The following TMEM87B variants were observed in gnomAD, a reference collection of about 807,000 sequenced individuals.
TMEM87B encodes the protein transmembrane protein 87B.
A neutral mutation model predicts 80.3 loss-of-function variants in TMEM87B; 83 were observed. The ratio of observed to expected loss-of-function variants is 1.03; its 90% CI spans 0.87 to 1.24. The LOEUF (loss-of-function observed/expected upper bound fraction) is 1.24. Ranked by LOEUF, TMEM87B falls within the 50% of genes most tolerant of loss-of-function variation. The pLI is 0.00. For missense variants in TMEM87B, 625 were observed against 674.4 expected (o/e 0.93, Z 0.81); for synonymous variants, 219 against 230.5 (o/e 0.95, Z 0.45).
At chr2:112,078,738 G>A (rs1678896947) in intron 6 of TMEM87B, among the ~76,000 whole-genome samples, 1 of 152,172 alleles carries the variant, frequency 6.6e-6, no homozygotes, top group African/African-American at 2.4e-5. Flanking sequence ...GTTTTGCACT[G>A]TACTCGGCAC....
chr2:112,077,874 A>G (rs1427679657), intron 6 of TMEM87B, among the ~76,000 whole-genome samples: 1 of 152,128 alleles, frequency 6.6e-6, no homozygotes, highest in African/African-American at 2.4e-5. Flanking sequence ...GCTTTCCCAT[A>G]TTCTAGAATC....
intron 9 of TMEM87B, among the ~76,000 whole-genome samples, chr2:112,087,500 C>A (rs1276534015): frequency 6.6e-6 from 1 of 152,026 alleles, no homozygotes; most frequent in East Asian, 1.9e-4. Flanking sequence ...GCCCCCAGAC[C>A]CTGTCATTTC....
intron 4 of TMEM87B, among the ~76,000 whole-genome samples, 162 bp from the exon 5 acceptor site, chr2:112,074,750 A>AG (rs1259490233): frequency 6.6e-6 from 1 of 152,200 alleles, no homozygotes; most frequent in Non-Finnish European, 1.5e-5. Flanking sequence ...TTTCAAAAGC[A>AG]GAACTTTGTT....
At chr2:112,074,794 T>C (rs976148218) in intron 4 of TMEM87B, 118 bp from the exon 5 acceptor site, 4 of 1,240,456 alleles carry the variant, frequency 3.2e-6, no homozygotes, top group Non-Finnish European at 4.2e-6. Flanking sequence ...ATTTGTTCTT[T>C]GATGTTTAGC....
Position 112,084,916 on chromosome 2 carries a change from A to G in TMEM87B, c.839-1089A>G, listed in dbSNP as rs138028226. On this transcript the variant is annotated intron_variant, in intron 8 of 18. Transcript: ENST00000283206. ...AGCACATTTTTTCTGTCAAGGCCAT[A>G]GAGGAAATATTTTGGCTTTGCAGGC... Among the ~76,000 whole-genome samples the G allele has an allele frequency of 6.6e-5, 10 of 152,350 alleles. 1 individual carries two copies. Among genetic ancestry groups the G allele is most frequent in the African/African-American group, 1.4e-4 (6 of 41,586 alleles).
rs188415985 is a variant in TMEM87B at position 112,093,202 on chromosome 2, G to T, written c.1104+1419G>T. 1.7e-4 allele frequency among the ~76,000 whole-genome samples: 26 copies of T among 152,246 alleles called. No individual in the cohort carries two copies. In the East Asian group the frequency reaches 5.0e-3, roughly 29 times the overall value. On this transcript the variant is annotated intron_variant, in intron 11 of 18. Coordinates refer to ENST00000283206, the MANE Select transcript of TMEM87B (RefSeq NM_032824.3). ...ATAGGCTTTTCTGAGCCACTTGTGGGTTGTTTTCTAAGCTGGGTCTACCTA... is the reference window on the plus strand; with the variant it reads ...ATAGGCTTTTCTGAGCCACTTGTGGTTTGTTTTCTAAGCTGGGTCTACCTA...
intron 3 of TMEM87B, 81 bp downstream of exon 3, chr2:112,064,334 A>C (rs971033903): frequency 4.2e-6 from 5 of 1,202,798 alleles, no homozygotes; most frequent in Non-Finnish European, 6.0e-6. Flanking sequence ...TCAAGCGAGG[A>C]GGCTAGAAAT....
At chr2:112,069,067 C>T (rs1678534953) in intron 4 of TMEM87B, among the ~76,000 whole-genome samples, 1 of 151,632 alleles carries the variant, frequency 6.6e-6, no homozygotes, top group African/African-American at 2.4e-5. Context: ...TGGCGGGCGC[C>T]TGTAGTCCCA....
intron 3 of TMEM87B, among the ~76,000 whole-genome samples, chr2:112,065,825 G>A (rs1430988878): frequency 6.6e-6 from 1 of 151,656 alleles, no homozygotes; most frequent in Non-Finnish European, 1.5e-5. Flanking sequence ...CCCCCTTTTT[G>A]GTGTGTCATG....
At chr2:112,072,839 T>A (rs1230825933) in intron 4 of TMEM87B, among the ~76,000 whole-genome samples, 1 of 152,008 alleles carries the variant, frequency 6.6e-6, no homozygotes, top group African/African-American at 2.4e-5. Context: ...CTTCACTAGT[T>A]CTTTGAGTTG....
In TMEM87B at chr2:112,116,665, T is replaced by C. The variant is rs1227905410; in HGVS notation, c.*522T>C. ...AAGTAAAACAGTTAATGTTTGAATA[T>C]AGGCATATTTATAGGTTTTTTCCGC... On this transcript the variant is annotated 3_prime_UTR_variant, in exon 19 of 19. Transcript: ENST00000283206. The C allele has an allele frequency of 6.6e-6, 1 of 152,226 alleles. No individual in the cohort carries two copies. The highest frequency in any genetic ancestry group is 6.5e-5 in the Admixed American group (1 of 15,278). 9.4% of individuals were successfully genotyped at this position (152,226 alleles called of 1,614,324 possible).
chr2:112,109,549 T>G (rs1454680400), intron 17 of TMEM87B, among the ~76,000 whole-genome samples: 4 of 152,160 alleles, frequency 2.6e-5, no homozygotes, highest in Non-Finnish European at 5.9e-5. Flanking sequence ...GAGAAAGTAG[T>G]CATTAATTGT....
At chr2:112,111,041 C>A (rs1679896235) in intron 17 of TMEM87B, among the ~76,000 whole-genome samples, 1 of 152,182 alleles carries the variant, frequency 6.6e-6, no homozygotes, top group Non-Finnish European at 1.5e-5. Context: ...CTCTGTTTCC[C>A]TACTCTGTGT....
chr2:112,077,208 C>A lies in TMEM87B; in HGVS notation c.518C>A (p.Thr173Lys). The change falls in exon 6 of 19, where the codon ACA becomes AAA. Residue 173 changes from threonine (T) to lysine (K), a missense_variant. Transcript: ENST00000283206. ...CTATTTCAGGATGTTGTAGCCAGAA[C>A]ACAAAAAGATGGGTTTCATATCTTT... ...QERSMDVVAR[T>K]QKDGFHIFIV... The A allele has an allele frequency of 6.3e-7, 1 of 1,586,670 alleles. No homozygotes were observed. Among genetic ancestry groups the A allele is most frequent in the South Asian group, 1.2e-5 (1 of 85,142 alleles).
chr2:112,077,085 A>T, intron 5 of TMEM87B, 107 bp from the exon 6 acceptor site: 2 of 529,370 alleles, frequency 3.8e-6, no homozygotes, highest in Non-Finnish European at 6.4e-6. Context: ...GAAAAATTTA[A>T]AAAGTAACCC....
At chr2:112,105,716 A>C (rs1483849195) in intron 15 of TMEM87B, among the ~76,000 whole-genome samples, 1 of 152,222 alleles carries the variant, frequency 6.6e-6, no homozygotes, top group Non-Finnish European at 1.5e-5. Context: ...AATTGCAATT[A>C]AGGAAATATG....
intron 15 of TMEM87B, among the ~76,000 whole-genome samples, chr2:112,105,420 T>A (rs1036607786): frequency 1.7e-4 from 26 of 152,186 alleles, no homozygotes; most frequent in African/African-American, 5.8e-4. Flanking sequence ...AGGTAGAAAT[T>A]ATTATTATCC....
chr2:112,067,932 G>A (rs531418637), intron 4 of TMEM87B, among the ~76,000 whole-genome samples: 1 of 152,200 alleles, frequency 6.6e-6, no homozygotes, highest in Non-Finnish European at 1.5e-5. Flanking sequence ...AACAGCAGTT[G>A]GCTGGGCGTG....
At chr2:112,059,280 T>C (rs938691318) in intron 1 of TMEM87B, among the ~76,000 whole-genome samples, 3 of 151,980 alleles carry the variant, frequency 2.0e-5, no homozygotes, top group African/African-American at 7.3e-5. Flanking sequence ...GTGGAAAGGT[T>C]GTGAAGAAGA....
Sources: gnomAD v4.1 joint callset for allele counts (sites outside exome capture counted in the v4.1 genomes callset) on GRCh38, gnomAD v4.1.1 for gene constraint, MANE v1.5 for transcripts, NCBI Gene and HGNC (gene_info 2026-07-23, HGNC 2026-07-21) for gene names.